The following DNAH8 variants were observed in gnomAD, a reference collection of about 807,000 sequenced individuals.
DNAH8 encodes the protein dynein axonemal heavy chain 8.
Under a neutral mutation model 562.1 loss-of-function variants are expected in DNAH8, and 382 were observed. The ratio of observed to expected loss-of-function variants is 0.68; its 90% CI spans 0.63 to 0.74. The LOEUF is 0.74. DNAH8 is among the 30% of genes least tolerant of loss of function. DNAH8 has a pLI of 0.00. For synonymous variants in DNAH8, 1,881 were observed against 1,919.4 expected (o/e 0.98, Z 0.52); for missense variants, 5,203 against 5,620.4 (o/e 0.93, Z 2.37).
chr6:38,921,824 A>G (rs1781725418), intron 71 of DNAH8, among the ~76,000 whole-genome samples: 1 of 152,074 alleles, frequency 6.6e-6, no homozygotes, highest in South Asian at 2.1e-4. Context: ...TGTTTATTTC[A>G]CCTGGGTGCA....
intron 30 of DNAH8, among the ~76,000 whole-genome samples, chr6:38,831,679 G>T (rs1474096482): frequency 1.3e-5 from 2 of 152,160 alleles, no homozygotes; most frequent in African/African-American, 4.8e-5. Context: ...CCTGATGCTG[G>T]TGGTGGGACT....
chr6:38,716,302 A>G (rs770939858), intron 1 of DNAH8, among the ~76,000 whole-genome samples: 2 of 151,990 alleles, frequency 1.3e-5, no homozygotes, highest in Non-Finnish European at 2.9e-5. Flanking sequence ...TAAAACAAAA[A>G]AAATGCCTCT....
chr6:38,721,607 G>A (rs1253492341), intron 1 of DNAH8, among the ~76,000 whole-genome samples: 9 of 152,186 alleles, frequency 5.9e-5, no homozygotes, highest in African/African-American at 2.2e-4. Flanking sequence ...AATGGTTCAT[G>A]TTGACACATT....
chr6:38,868,023 T>C (rs1777187796), intron 47 of DNAH8, 39 bp from the exon 48 acceptor site: 2 of 1,589,664 alleles, frequency 1.3e-6, no homozygotes, highest in Non-Finnish European at 1.7e-6. Flanking sequence ...GTTTAGTTTT[T>C]CAATTAAACC....
chr6:38,805,410 T>G, intron 22 of DNAH8, 71 bp from the exon 23 acceptor site: 5 of 894,384 alleles, frequency 5.6e-6, no homozygotes, highest in Non-Finnish European at 9.1e-6. Context: ...CCTAAGAGGA[T>G]TTGGCCATGT....
chr6:38,916,964 A>C (rs555711653), intron 68 of DNAH8, among the ~76,000 whole-genome samples: 4 of 152,170 alleles, frequency 2.6e-5, no homozygotes, highest in Non-Finnish European at 5.9e-5. Context: ...TAAATGTTAC[A>C]TATCAGTGGG....
chr6:38,801,823 C>T (rs1770800038), intron 21 of DNAH8, among the ~76,000 whole-genome samples: 1 of 152,186 alleles, frequency 6.6e-6, no homozygotes, highest in Non-Finnish European at 1.5e-5. Flanking sequence ...GAACACATAA[C>T]ACATGGGGGC....
chr6:38,975,445 T>G (rs1763606877), intron 85 of DNAH8, among the ~76,000 whole-genome samples: 1 of 152,194 alleles, frequency 6.6e-6, no homozygotes, highest in Non-Finnish European at 1.5e-5. Flanking sequence ...TGTACAGTGA[T>G]GGGCAGAACT....
At position 38,906,532 on chromosome 6, in the gene DNAH8, G is replaced by A. The variant is rs577597601; in HGVS notation, c.9348+125G>A. 9 of 746,242 alleles carry A rather than the reference G, an allele frequency of 1.2e-5. No individual in the cohort carries two copies. In the South Asian group the frequency reaches 1.2e-4, roughly 10 times the overall value. 46.2% of individuals were successfully genotyped at this position (746,242 alleles called of 1,614,324 possible). ...ATTTTTTATTTTAGACATGGTTAAT[G>A]TACGAGATTTAGCAGATTTTCTGAA... On this transcript the variant is annotated intron_variant, in intron 63 of 92. Coordinates refer to ENST00000327475, the MANE Select transcript of DNAH8 (RefSeq NM_001206927.2).
chr6:38,841,507 G>A (rs551435232), intron 33 of DNAH8, among the ~76,000 whole-genome samples: 5 of 152,288 alleles, frequency 3.3e-5, no homozygotes, highest in South Asian at 4.1e-4. Flanking sequence ...CTCTGATGAA[G>A]AATAAAAGTT....
At chr6:38,971,246 TC>T (rs753280535) in intron 82 of DNAH8, among the ~76,000 whole-genome samples, 2 of 152,210 alleles carry the variant, frequency 1.3e-5, no homozygotes, top group Non-Finnish European at 2.9e-5. Flanking sequence ...AAATCCTTTT[TC>T]CCTACAAATA....
chr6:38,987,902 G>A (rs1471709080), intron 87 of DNAH8, among the ~76,000 whole-genome samples: 3 of 152,152 alleles, frequency 2.0e-5, no homozygotes, highest in African/African-American at 4.8e-5. Context: ...CATGAACCTG[G>A]CAGCAGCAAC....
intron 13 of DNAH8, among the ~76,000 whole-genome samples, chr6:38,777,081 A>G (rs1013866993): frequency 3.9e-5 from 6 of 152,188 alleles, no homozygotes; most frequent in Admixed American, 6.5e-5. Flanking sequence ...CTAAAATTCT[A>G]CCATTCTAAC....
rs377005307 is a variant in DNAH8, at chr6:38,802,389, AC to A, written c.2902-789del. On this transcript the variant is annotated intron_variant, in intron 21 of 92. Transcript: ENST00000327475. ...CTCCTGAGTAGCTGGGATTATAGGC[AC>A]AAGACACTGCATCCAACTACTTTTC... Among the ~76,000 whole-genome samples the A allele has an allele frequency of 6.6e-5, 10 of 152,330 alleles. No individual in the cohort carries two copies. The South Asian group carries it at 2.1e-3, about 32-fold the overall frequency.
At chr6:38,813,946 G>C (rs1481562132) in intron 24 of DNAH8, 108 bp from the exon 25 acceptor site, 2 of 781,866 alleles carry the variant, frequency 2.6e-6, no homozygotes. Flanking sequence ...TGTGTAATTT[G>C]GCCTTTTAAA....
chr6:38,823,740 T>G (rs2150338742), intron 28 of DNAH8, 52 bp downstream of exon 28: 1 of 1,319,638 alleles, frequency 7.6e-7, no homozygotes. Flanking sequence ...ACATGAAGTG[T>G]TACTTTATTT....
chr6:38,881,846 C>T (rs141727165), intron 53 of DNAH8, among the ~76,000 whole-genome samples: 23 of 152,174 alleles, frequency 1.5e-4, no homozygotes, highest in African/African-American at 5.5e-4. Context: ...CCACTGTGCC[C>T]GGACTTGAAA....
At chr6:38,879,919 G>A (rs1025215996) in intron 53 of DNAH8, among the ~76,000 whole-genome samples, 1 of 152,072 alleles carries the variant, frequency 6.6e-6, no homozygotes, top group African/African-American at 2.4e-5. Flanking sequence ...GTTGAAAATT[G>A]AATTTTAAGA....
At chr6:39,003,154 G>T (rs1765592222) in intron 88 of DNAH8, among the ~76,000 whole-genome samples, 1 of 152,182 alleles carries the variant, frequency 6.6e-6, no homozygotes, top group Non-Finnish European at 1.5e-5. Context: ...TTAGGATTCT[G>T]CCAATTCGTG....
Sources: gnomAD v4.1 joint callset for allele counts (sites outside exome capture counted in the v4.1 genomes callset) on GRCh38, gnomAD v4.1.1 for gene constraint, MANE v1.5 for transcripts, NCBI Gene and HGNC (gene_info 2026-07-23, HGNC 2026-07-21) for gene names.